Variants in AUTS2 observed in about 807,000 individuals in gnomAD.
AUTS2 encodes the protein activator of transcription and developmental regulator AUTS2, also known as autism susceptibility gene 2 protein.
In AUTS2, 17 loss-of-function variants were observed where a neutral mutation model predicts 112.4. That is an observed-to-expected ratio of 0.15 (90% CI 0.10 to 0.23). AUTS2 has a LOEUF of 0.23. AUTS2 is among the 10% of genes least tolerant of loss of function. AUTS2 has a pLI of 1.00. For missense variants in AUTS2, 1,510 were observed against 1,701.6 expected (o/e 0.89, Z 1.98); for synonymous variants, 751 against 702.7 (o/e 1.07, Z -1.09).
intron 2 of AUTS2, among the ~76,000 whole-genome samples, chr7:70,065,894 G>GA (rs1802468170): frequency 6.6e-6 from 1 of 152,020 alleles, no homozygotes; most frequent in African/African-American, 2.4e-5. Context: ...TTTTTTTAGA[G>GA]AGGGAGCGTT....
chr7:69,853,707 C>G (rs1170637783), intron 1 of AUTS2, among the ~76,000 whole-genome samples: 1 of 152,062 alleles, frequency 6.6e-6, no homozygotes, highest in Non-Finnish European at 1.5e-5. Flanking sequence ...GTTCTCTCTA[C>G]CTTCAAGAAT....
rs562611201 is a variant in AUTS2, at chr7:70,742,665, G to A, written c.743-20205G>A. Among the ~76,000 whole-genome samples, 6 of 152,276 alleles carry A rather than the reference G, an allele frequency of 3.9e-5. No individual in the cohort carries two copies. In the East Asian group the frequency reaches 9.7e-4, roughly 25 times the overall value. The stretch of plus-strand genomic sequence containing the variant: ...TAATCCCAGCTACTCAGGAGGGTGA[G>A]GCAGGAGAATAGCTTGAACCCGGGA... On this transcript the variant is annotated intron_variant, in intron 6 of 18. Coordinates refer to ENST00000342771, the MANE Select transcript of AUTS2 (RefSeq NM_015570.4).
chr7:69,701,392 A>G (rs899320239), intron 1 of AUTS2, among the ~76,000 whole-genome samples: 4 of 152,222 alleles, frequency 2.6e-5, no homozygotes, highest in Non-Finnish European at 4.4e-5. Context: ...TCATTCAGCC[A>G]GTATTTGAGT....
In AUTS2 at chr7:70,791,917, G is replaced by A. The variant is rs904204930; in HGVS notation, c.*921G>A. 2.6e-5 allele frequency: 4 copies of A among 152,304 alleles called. No individual in the cohort carries two copies. The highest frequency in any genetic ancestry group is 9.7e-5 in the African/African-American group (4 of 41,428). 9.4% of individuals were successfully genotyped at this position (152,304 alleles called of 1,614,324 possible). A position where few individuals can be genotyped will look rare whatever the true frequency, so the allele number is the denominator to read the frequency against. On this transcript the variant is annotated 3_prime_UTR_variant, in exon 19 of 19. Coordinates refer to ENST00000342771, the MANE Select transcript of AUTS2 (RefSeq NM_015570.4). Reference sequence around the variant, plus strand: ...AGATGCCAAAATCAGGGGACGGGTGGTGGTGTCTGTCAGACACACACAGGT... The same window carrying A: ...AGATGCCAAAATCAGGGGACGGGTGATGGTGTCTGTCAGACACACACAGGT...
At chr7:70,429,333 T>C (rs935443825) in intron 4 of AUTS2, among the ~76,000 whole-genome samples, 4 of 152,222 alleles carry the variant, frequency 2.6e-5, no homozygotes, top group African/African-American at 4.8e-5. Context: ...TTGGAAAGAC[T>C]GTTGTGGCAA....
At chr7:69,931,897 G>C (rs187395450) in intron 2 of AUTS2, among the ~76,000 whole-genome samples, 1 of 152,130 alleles carries the variant, frequency 6.6e-6, no homozygotes, top group Non-Finnish European at 1.5e-5. Context: ...GGCAATCTTC[G>C]AATTGATGAC....
intron 5 of AUTS2, among the ~76,000 whole-genome samples, chr7:70,464,011 A>C (rs1797075796): frequency 6.6e-6 from 1 of 152,194 alleles, no homozygotes; most frequent in African/African-American, 2.4e-5. Context: ...TACAAATGTA[A>C]GCATGCCACC....
At chr7:70,252,715 T>C (rs1354525593) in intron 4 of AUTS2, among the ~76,000 whole-genome samples, 9 of 152,208 alleles carry the variant, frequency 5.9e-5, no homozygotes, top group Non-Finnish European at 1.3e-4. Flanking sequence ...TTTTACAGTT[T>C]CAGATCTTAC....
chr7:70,398,565 T>C (rs1794187411), intron 4 of AUTS2, among the ~76,000 whole-genome samples: 1 of 152,172 alleles, frequency 6.6e-6, no homozygotes, highest in South Asian at 2.1e-4. Context: ...TTTTTGTATA[T>C]TGATGTTATA....
chr7:70,652,227 G>A (rs1806544965), intron 5 of AUTS2, among the ~76,000 whole-genome samples: 1 of 152,072 alleles, frequency 6.6e-6, no homozygotes, highest in Non-Finnish European at 1.5e-5. Context: ...ATACTGAGAA[G>A]TCTTTCATTA....
At chr7:70,377,224 A>G (rs1793128013) in intron 4 of AUTS2, among the ~76,000 whole-genome samples, 1 of 149,612 alleles carries the variant, frequency 6.7e-6, no homozygotes, top group Admixed American at 6.7e-5. Flanking sequence ...ATTAACCACA[A>G]TAAAAAATGT....
chr7:70,454,324 C>T (rs963456695), intron 5 of AUTS2, among the ~76,000 whole-genome samples: 1 of 152,132 alleles, frequency 6.6e-6, no homozygotes, highest in Non-Finnish European at 1.5e-5. Flanking sequence ...CACCTGAGGT[C>T]AGGAGTTCGA....
chr7:69,698,424 T>C (rs1797651074), intron 1 of AUTS2, among the ~76,000 whole-genome samples: 1 of 152,190 alleles, frequency 6.6e-6, no homozygotes, highest in African/African-American at 2.4e-5. Context: ...TGAGCTGGGC[T>C]TTGATGACTT....
chr7:69,844,261 A>G (rs1792101859), intron 1 of AUTS2, among the ~76,000 whole-genome samples: 1 of 152,166 alleles, frequency 6.6e-6, no homozygotes, highest in Admixed American at 6.6e-5. Context: ...TTTCCTTTTT[A>G]TTATATTGCT....
intron 1 of AUTS2, among the ~76,000 whole-genome samples, chr7:69,788,366 G>A (rs1789469693): frequency 6.6e-6 from 1 of 152,138 alleles, no homozygotes; most frequent in African/African-American, 2.4e-5. Context: ...GAAGAAGGTG[G>A]AAGTTACTTT....
At chr7:70,228,801 T>G (rs1811901641) in intron 4 of AUTS2, among the ~76,000 whole-genome samples, 1 of 151,982 alleles carries the variant, frequency 6.6e-6, no homozygotes, top group Admixed American at 6.5e-5. Flanking sequence ...AACAATGCAG[T>G]ATTGTAATTA....
chr7:69,693,314 C>T (rs1797424617), intron 1 of AUTS2, among the ~76,000 whole-genome samples: 1 of 152,160 alleles, frequency 6.6e-6, no homozygotes, highest in East Asian at 1.9e-4. Flanking sequence ...GGGGTAAAGC[C>T]ACAGGACTTT....
At chr7:70,355,624 A>C (rs1791971757) in intron 4 of AUTS2, among the ~76,000 whole-genome samples, 1 of 152,112 alleles carries the variant, frequency 6.6e-6, no homozygotes. Context: ...CACTTCTGAC[A>C]CGAGGCAGGT....
intron 1 of AUTS2, among the ~76,000 whole-genome samples, chr7:69,630,917 AT>A (rs903994992): frequency 4.7e-5 from 7 of 149,882 alleles, no homozygotes; most frequent in African/African-American, 1.2e-4. Context: ...CTATCCACCC[AT>A]TTATTCTTTT....
Sources: gnomAD v4.1 joint callset for allele counts (sites outside exome capture counted in the v4.1 genomes callset) on GRCh38, gnomAD v4.1.1 for gene constraint, MANE v1.5 for transcripts, NCBI Gene and HGNC (gene_info 2026-07-23, HGNC 2026-07-21) for gene names.